DENND4C: variants seen among roughly 807,000 people sequenced by gnomAD.
DENND4C encodes the protein DENN domain containing 4C.
A neutral mutation model predicts 203.0 loss-of-function variants in DENND4C; 108 were observed. That is an observed-to-expected ratio of 0.53 (90% confidence interval 0.46 to 0.62). The LOEUF is 0.62. DENND4C is among the 20% of genes least tolerant of loss of function. DENND4C has a pLI of 0.00. For missense variants in DENND4C, 2,481 were observed against 2,301.2 expected (o/e 1.08, Z -1.60); for synonymous variants, 871 against 792.4 (o/e 1.10, Z -1.67).
At chr9:19,240,381 C>T (rs183940632) in intron 1 of DENND4C, among the ~76,000 whole-genome samples, 200 of 152,102 alleles carry the variant, frequency 1.3e-3, no homozygotes, top group Non-Finnish European at 2.4e-3. Flanking sequence ...TATAAAAGGG[C>T]CGGGAACCAG....
chr9:19,283,531 A>G (rs1380653459), intron 2 of DENND4C, among the ~76,000 whole-genome samples: 1 of 150,680 alleles, frequency 6.6e-6, no homozygotes, highest in Non-Finnish European at 1.5e-5. Flanking sequence ...CATCATCATT[A>G]TGTGGTGCAT....
At chr9:19,344,489 C>G (rs1043090710) in intron 22 of DENND4C, among the ~76,000 whole-genome samples, 1 of 152,078 alleles carries the variant, frequency 6.6e-6, no homozygotes, top group East Asian at 1.9e-4. Flanking sequence ...CAGAGCAAGA[C>G]CCTAACTTTG....
intron 9 of DENND4C, among the ~76,000 whole-genome samples, chr9:19,300,945 T>C (rs1047047151): frequency 1.3e-5 from 2 of 152,118 alleles, no homozygotes; most frequent in African/African-American, 4.8e-5. Context: ...TTTGGGAGGC[T>C]GAGGTAGGCG....
At chr9:19,304,923 T>TA (rs72106055) in intron 9 of DENND4C, among the ~76,000 whole-genome samples, 10 of 151,170 alleles carry the variant, frequency 6.6e-5, no homozygotes, top group African/African-American at 2.4e-4. Context: ...TTTTTTTTTT[T>TA]AAATCCTGGA....
intron 2 of DENND4C, among the ~76,000 whole-genome samples, chr9:19,279,602 A>T (rs889335226): frequency 5.3e-5 from 8 of 151,486 alleles, no homozygotes; most frequent in Admixed American, 2.6e-4. Context: ...ACTTGAACCC[A>T]GGAGGTGGAG....
chr9:19,310,412 A>G (rs960256228), intron 10 of DENND4C, among the ~76,000 whole-genome samples: 3 of 152,208 alleles, frequency 2.0e-5, no homozygotes, highest in Middle Eastern at 3.2e-3. Flanking sequence ...GTTTTTGTAA[A>G]TAAAGTTTTA....
Position 19,286,896 on chromosome 9 carries a change from A to G in DENND4C, c.433A>G (p.Arg145Gly). ...ACAAAGAATCTTTATCACTTATCGA[A>G]GGGCTCCTCCAGTTCGACCCCAGAA... ...TSQRIFITYR[R>G]APPVRPQNSL... Residue 145 changes from arginine (R) to glycine (G), a missense_variant, in exon 3 of 33, where the codon AGG becomes GGG. Arg to Gly is a moderately radical substitution (Grantham distance 125). Coordinates refer to ENST00000434457, the MANE Select transcript of DENND4C (RefSeq NM_001330640.2). 1 of 1,232,118 alleles carries G rather than the reference A, an allele frequency of 8.1e-7. No homozygotes were observed. The highest frequency in any genetic ancestry group is 1.0e-6 in the Non-Finnish European group (1 of 987,964). 76.3% of individuals were successfully genotyped at this position (1,232,118 alleles called of 1,614,324 possible). A position where few individuals can be genotyped will look rare whatever the true frequency, so the allele number is the denominator to read the frequency against.
chr9:19,261,967 GT>G (rs1328063585), intron 1 of DENND4C, among the ~76,000 whole-genome samples: 1 of 148,904 alleles, frequency 6.7e-6, no homozygotes, highest in Non-Finnish European at 1.5e-5. Flanking sequence ...TGGGAGTACT[GT>G]TTTCATTTCT....
At chr9:19,311,938 C>G (rs796783763) in intron 10 of DENND4C, among the ~76,000 whole-genome samples, 2 of 152,132 alleles carry the variant, frequency 1.3e-5, no homozygotes, top group Admixed American at 6.5e-5. Context: ...GGAATTGATC[C>G]TAACATTTTA....
In DENND4C at chr9:19,346,578, A is replaced by T. The variant is rs776528158; in HGVS notation, c.3809A>T (p.Asp1270Val). 1.2e-6 allele frequency: 2 copies of T among 1,614,084 alleles called. No individual in the cohort carries two copies. The highest frequency in any genetic ancestry group is 2.7e-5 in the African/African-American group (2 of 74,944). The change falls in exon 23 of 33, where the codon GAT (aspartate) becomes GTT (valine). Residue 1270 changes from aspartate to valine, a missense_variant. Physicochemically the swap from Asp to Val is radical, Grantham distance 152. Around this residue, in one of 3 missense-constraint regions of DENND4C, gnomAD observed 2,289 missense variants for 2,113.3 expected, o/e 1.08. Transcript: ENST00000434457. ...CTGGKTPDSE[D>V]KLFSPVIARN... ...GGAGGAAAAACTCCTGATTCTGAAG[A>T]TAAGTTGTTTTCTCCAGTTATTGCA...
intron 18 of DENND4C, among the ~76,000 whole-genome samples, chr9:19,335,678 T>A (rs2131848765): frequency 6.6e-6 from 1 of 152,286 alleles, no homozygotes; most frequent in South Asian, 2.1e-4. Context: ...TGTCACAAAT[T>A]ACTGGGTTTC....
intron 7 of DENND4C, among the ~76,000 whole-genome samples, chr9:19,298,599 C>T (rs1305249019): frequency 6.6e-6 from 1 of 152,038 alleles, no homozygotes; most frequent in African/African-American, 2.4e-5. Flanking sequence ...AGGTCTATAT[C>T]CTCTCTATAA....
intron 15 of DENND4C, 43 bp from the exon 16 acceptor site, chr9:19,327,987 G>A (rs1203497022): frequency 2.0e-6 from 3 of 1,533,018 alleles, no homozygotes; most frequent in Non-Finnish European, 2.6e-6. Context: ...ATGAAGAGTT[G>A]GTGTGTTTTA....
At chr9:19,323,324 G>C (rs1293839101) in intron 12 of DENND4C, among the ~76,000 whole-genome samples, 2 of 151,984 alleles carry the variant, frequency 1.3e-5, no homozygotes, top group Non-Finnish European at 2.9e-5. Context: ...CAGCTACTCA[G>C]GAGGCTGAGG....
chr9:19,287,086 C>T (rs2131100835), intron 3 of DENND4C, 65 bp downstream of exon 3: 1 of 1,207,722 alleles, frequency 8.3e-7, no homozygotes, highest in Non-Finnish European at 1.0e-6. Flanking sequence ...TTTTGGATTC[C>T]TGTTTACTGT....
intron 10 of DENND4C, among the ~76,000 whole-genome samples, chr9:19,308,448 C>T (rs933983238): frequency 6.6e-6 from 1 of 152,064 alleles, no homozygotes; most frequent in Non-Finnish European, 1.5e-5. Flanking sequence ...TATCTTTGTG[C>T]CCCTTGGTTT....
intron 22 of DENND4C, among the ~76,000 whole-genome samples, chr9:19,344,786 A>G (rs1290392873): frequency 6.6e-6 from 1 of 152,108 alleles, no homozygotes; most frequent in African/African-American, 2.4e-5. Flanking sequence ...TACAGGTGTG[A>G]GCCACCATGC....
At chr9:19,260,349 G>T (rs73425090) in intron 1 of DENND4C, among the ~76,000 whole-genome samples, 8,201 of 144,362 alleles carry the variant, frequency 0.057, 374 homozygotes, top group African/African-American at 0.13. Flanking sequence ...CTGTAGAGTT[G>T]TTTGATGTCC....
intron 1 of DENND4C, among the ~76,000 whole-genome samples, chr9:19,259,454 G>T (rs1301828936): frequency 1.3e-5 from 2 of 151,028 alleles, no homozygotes; most frequent in East Asian, 3.9e-4. Context: ...TCTTTTTTAT[G>T]GCTGAATAGT....
Sources: gnomAD v4.1 joint callset for allele counts (sites outside exome capture counted in the v4.1 genomes callset) on GRCh38, gnomAD v4.1.1 for gene constraint, gnomAD v4.1.1 regional missense constraint, MANE v1.5 for transcripts, NCBI Gene and HGNC (gene_info 2026-07-23, HGNC 2026-07-21) for gene names.